Variants in AXIN1 observed in about 807,000 individuals in gnomAD.
The protein encoded by AXIN1 is axin 1, also known as axin-1.
AXIN1 carries 30 observed loss-of-function variants against 76.4 expected under a neutral mutation model. The observed-to-expected ratio is 0.39, with a 90% CI of 0.29 to 0.53. AXIN1 has a LOEUF of 0.53. Ranked by LOEUF, AXIN1 falls within the 20% of genes least tolerant of loss-of-function variation. AXIN1 has a pLI of 0.66. For synonymous variants in AXIN1, 545 were observed against 501.4 expected, an observed-to-expected ratio of 1.09 and a Z score of -1.16; for missense variants, 1,140 against 1,198.8, an observed-to-expected ratio of 0.95 and a Z score of 0.72.
chr16:343,108 G>A (rs926653290), intron 2 of AXIN1, among the ~76,000 whole-genome samples: 2 of 152,118 alleles, frequency 1.3e-5, no homozygotes, highest in Admixed American at 1.3e-4. Context: ...CCGCAGACAC[G>A]ACTCCCAAGC....
intron 5 of AXIN1, among the ~76,000 whole-genome samples, chr16:303,225 G>C (rs1004753599): frequency 6.6e-6 from 1 of 152,128 alleles, no homozygotes; most frequent in African/African-American, 2.4e-5. Context: ...ACTCCAGCCG[G>C]CCTGCGCACT....
chr16:310,180 C>T (rs1055461664), intron 3 of AXIN1, 111 bp from the exon 4 acceptor site: 2 of 924,680 alleles, frequency 2.2e-6, no homozygotes, highest in African/African-American at 1.6e-5. Context: ...GATGAGGACA[C>T]CTGTGAGCCA....
At chr16:305,029 C>A (rs896576955) in intron 4 of AXIN1, among the ~76,000 whole-genome samples, 10 of 152,332 alleles carry the variant, frequency 6.6e-5, no homozygotes, top group Non-Finnish European at 1.2e-4. Flanking sequence ...GGACACACAG[C>A]CGGCGCTCCC....
At chr16:342,044 A>C (rs1005580879) in intron 2 of AXIN1, among the ~76,000 whole-genome samples, 2 of 152,210 alleles carry the variant, frequency 1.3e-5, no homozygotes, top group Admixed American at 1.3e-4. Flanking sequence ...GCCAGATAAG[A>C]GAATAAAAGC....
chr16:316,617 G>GA (rs774382836), intron 2 of AXIN1, among the ~76,000 whole-genome samples: 19 of 152,234 alleles, frequency 1.2e-4, no homozygotes, highest in Non-Finnish European at 2.2e-4. Flanking sequence ...GACTGCGAGA[G>GA]AAAGAGACCA....
At chr16:322,649 G>A (rs1015997057) in intron 2 of AXIN1, among the ~76,000 whole-genome samples, 4 of 152,212 alleles carry the variant, frequency 2.6e-5, no homozygotes, top group African/African-American at 9.6e-5. Context: ...CCATCCATGT[G>A]TCTCCAGCCA....
chr16:341,046 C>T (rs1422250928), intron 2 of AXIN1, among the ~76,000 whole-genome samples: 1 of 152,240 alleles, frequency 6.6e-6, no homozygotes, highest in Non-Finnish European at 1.5e-5. Flanking sequence ...CGAGGGCTGG[C>T]CCTCCTGGCA....
chr16:329,180 G>A (rs912911123), intron 2 of AXIN1, among the ~76,000 whole-genome samples: 2 of 149,652 alleles, frequency 1.3e-5, no homozygotes, highest in Non-Finnish European at 3.0e-5. Context: ...CAAGAGCTGA[G>A]GCAGGAGAAT....
chr16:324,739 G>C (rs543106826), intron 2 of AXIN1, among the ~76,000 whole-genome samples: 2 of 152,282 alleles, frequency 1.3e-5, no homozygotes, highest in South Asian at 4.1e-4. Context: ...GACACGGCCA[G>C]TGCCATCAGC....
At chr16:296,806 C>A (rs1168949818) in intron 7 of AXIN1, among the ~76,000 whole-genome samples, 1 of 152,142 alleles carries the variant, frequency 6.6e-6, no homozygotes, top group African/African-American at 2.4e-5. Context: ...GTGACAGCCA[C>A]GTCAGCTTCC....
At chr16:302,110 G>C (rs1048796872) in intron 5 of AXIN1, among the ~76,000 whole-genome samples, 1 of 152,220 alleles carries the variant, frequency 6.6e-6, no homozygotes, top group East Asian at 1.9e-4. Context: ...GGAAGCAAGC[G>C]AGCCGCTCCA....
intron 1 of AXIN1, among the ~76,000 whole-genome samples, chr16:347,330 G>A (rs962104228): frequency 1.8e-4 from 27 of 152,244 alleles, no homozygotes; most frequent in Non-Finnish European, 2.6e-4. Context: ...CTCATGCTAA[G>A]AAGGGATGCC....
intron 2 of AXIN1, among the ~76,000 whole-genome samples, chr16:329,789 A>ATTTTTTTT (rs773869039): frequency 1.5e-5 from 2 of 131,248 alleles, no homozygotes; most frequent in Non-Finnish European, 3.3e-5. Flanking sequence ...TTGCCCGGCT[A>ATTTTTTTT]TTTTTTTTTT....
chr16:297,046 G>A lies in AXIN1; in HGVS notation c.1955+10C>T, dbSNP rs1290618360. Reference sequence around the variant, plus strand: ...GGCCCCACGAGGCTGGCTGCGTGCGGGGTGCTCACCCGTGGCCGGTCCTGC... The same window carrying A: ...GGCCCCACGAGGCTGGCTGCGTGCGAGGTGCTCACCCGTGGCCGGTCCTGC... On this transcript the variant is annotated intron_variant, in intron 7 of 10. Transcript: ENST00000262320. 6.2e-7 allele frequency: 1 copy of A among 1,609,710 alleles called. No individual in the cohort carries two copies.
intron 5 of AXIN1, among the ~76,000 whole-genome samples, chr16:300,691 G>A (rs1315674579): frequency 1.3e-5 from 2 of 152,312 alleles, no homozygotes; most frequent in Middle Eastern, 3.4e-3. Flanking sequence ...GCAGAGCCGG[G>A]GGACAGGTGG....
intron 2 of AXIN1, among the ~76,000 whole-genome samples, chr16:317,328 G>A (rs1439314481): frequency 1.3e-5 from 2 of 152,194 alleles, no homozygotes; most frequent in East Asian, 1.9e-4. Flanking sequence ...ATGCCCTCTG[G>A]AGGGTATCGC....
At chr16:330,734 A>T (rs2053676091) in intron 2 of AXIN1, among the ~76,000 whole-genome samples, 2 of 152,230 alleles carry the variant, frequency 1.3e-5, no homozygotes, top group African/African-American at 4.8e-5. Context: ...GAACAAAAAA[A>T]TGTTTTATGC....
intron 2 of AXIN1, among the ~76,000 whole-genome samples, chr16:332,394 A>ATG (rs1567297293): frequency 3.9e-5 from 6 of 151,962 alleles, no homozygotes; most frequent in Admixed American, 3.9e-4. Context: ...TGGCTAACAC[A>ATG]GTGAAACCCC....
chr16:347,160 G>A lies in AXIN1; in HGVS notation c.-81-54C>T, dbSNP rs891885596. ...TAGGAAAGGTGGGTCCATGAAACAC[G>A]ACCAGAGGTTTTCTCAAGACAAGAC... On this transcript the variant is annotated intron_variant, in intron 1 of 10. Transcript: ENST00000262320. 6.0e-6 allele frequency: 9 copies of A among 1,498,148 alleles called. No homozygotes were observed. In the East Asian group the frequency reaches 9.1e-5, roughly 15 times the overall value. The allele number at this position is 1,498,148 out of a possible 1,614,324, so 92.8% of individuals were successfully genotyped here.
Sources: allele counts gnomAD v4.1 joint callset (sites outside exome capture counted in the v4.1 genomes callset), GRCh38; gene constraint gnomAD v4.1.1; transcripts MANE v1.5; gene names NCBI Gene and HGNC (gene_info 2026-07-23, HGNC 2026-07-21).